Variants in PDE10A observed in about 807,000 individuals in gnomAD.
The protein encoded by PDE10A is phosphodiesterase 10A.
PDE10A carries 39 observed loss-of-function variants against 97.7 expected under a neutral mutation model. The ratio of observed to expected loss-of-function variants is 0.40; its 90% CI spans 0.31 to 0.52. PDE10A has a LOEUF of 0.52. PDE10A is among the 20% of genes least tolerant of loss of function. The pLI is 0.56. For synonymous variants in PDE10A, 371 were observed against 376.8 expected, an observed-to-expected ratio of 0.98 and a Z score of 0.18; for missense variants, 731 against 1,047.8, an observed-to-expected ratio of 0.70 and a Z score of 4.17.
At chr6:165,374,819 T>A (rs1319210908) in intron 18 of PDE10A, among the ~76,000 whole-genome samples, 1 of 151,698 alleles carries the variant, frequency 6.6e-6, no homozygotes, top group Non-Finnish European at 1.5e-5. Flanking sequence ...ATCGGCAGCA[T>A]TTTTCCAACA....
intron 2 of PDE10A, among the ~76,000 whole-genome samples, chr6:165,532,388 C>T (rs994794817): frequency 5.9e-5 from 9 of 151,434 alleles, no homozygotes; most frequent in African/African-American, 1.7e-4. Context: ...TATAACGGAG[C>T]TTTGAATCTA....
At chr6:165,627,580 G>A (rs1296194424) in intron 1 of PDE10A, among the ~76,000 whole-genome samples, 2 of 152,170 alleles carry the variant, frequency 1.3e-5, no homozygotes, top group African/African-American at 4.8e-5. Flanking sequence ...CCAAGCTGCC[G>A]TGACTTGGGG....
intron 1 of PDE10A, among the ~76,000 whole-genome samples, chr6:165,590,007 T>TA (rs1487457965): frequency 6.6e-6 from 1 of 152,262 alleles, no homozygotes; most frequent in Non-Finnish European, 1.5e-5. Context: ...TTTCAGTTTT[T>TA]ATCACAAATT....
At chr6:165,788,518 C>CAAAAAAAAAAAAAAAAAAAAAAAAAAAAA (rs56927613) in intron 1 of PDE10A, among the ~76,000 whole-genome samples, 15 of 74,734 alleles carry the variant, frequency 2.0e-4, no homozygotes, top group East Asian at 9.3e-4. Flanking sequence ...AACTCTGTCT[C>CAAAAAAAAAAAAAAAAAAAAAAAAAAAAA]AAAAAAAAAA....
At chr6:165,654,366 C>T (rs1469725399) in intron 1 of PDE10A, among the ~76,000 whole-genome samples, 1 of 152,116 alleles carries the variant, frequency 6.6e-6, no homozygotes, top group African/African-American at 2.4e-5. Flanking sequence ...CCTGCTTCCC[C>T]AGGCCCCGCT....
chr6:165,960,524 A>G (rs1287249710), intron 1 of PDE10A, among the ~76,000 whole-genome samples: 2 of 152,192 alleles, frequency 1.3e-5, no homozygotes, highest in South Asian at 4.1e-4. Flanking sequence ...CTACCCCTAG[A>G]CATGTTGTCA....
At chr6:165,608,672 C>A (rs1374366740) in intron 1 of PDE10A, among the ~76,000 whole-genome samples, 2 of 152,120 alleles carry the variant, frequency 1.3e-5, no homozygotes, top group African/African-American at 4.8e-5. Flanking sequence ...TTCTAGATCC[C>A]TGAGGAATCG....
intron 1 of PDE10A, among the ~76,000 whole-genome samples, chr6:165,691,307 A>C (rs146574171): frequency 1.1e-3 from 163 of 148,678 alleles, no homozygotes; most frequent in African/African-American, 3.6e-3. Context: ...TGACCTCATA[A>C]GTTTATGATA....
At chr6:165,379,407 C>T in intron 17 of PDE10A, 41 bp from the exon 18 acceptor site, 1 of 1,482,652 alleles carries the variant, frequency 6.7e-7, no homozygotes, top group Non-Finnish European at 9.3e-7. Flanking sequence ...ATAACAAGCA[C>T]AAGCTCTAAT....
At chr6:165,664,660 C>T (rs1006863856), upstream of PDE10A, among the ~76,000 whole-genome samples, 4 of 152,208 alleles carry the variant, frequency 2.6e-5, no homozygotes, top group Non-Finnish European at 5.9e-5. Context: ...AGCCTCCCGG[C>T]TTGACGCTTC....
intron 1 of PDE10A, among the ~76,000 whole-genome samples, chr6:165,680,075 T>G (rs1790934548): frequency 1.3e-5 from 2 of 152,150 alleles, no homozygotes; most frequent in South Asian, 4.1e-4. Context: ...GGTACCCATG[T>G]GGGTGCTACT....
intron 17 of PDE10A, among the ~76,000 whole-genome samples, chr6:165,382,976 G>A (rs1785031316): frequency 6.6e-6 from 1 of 152,132 alleles, no homozygotes; most frequent in Non-Finnish European, 1.5e-5. Context: ...TGCTATAATT[G>A]TAATATACAA....
intron 1 of PDE10A, among the ~76,000 whole-genome samples, chr6:165,967,753 T>TG (rs1464440425): frequency 2.0e-5 from 3 of 152,222 alleles, no homozygotes; most frequent in Non-Finnish European, 4.4e-5. Context: ...GATAGCCCTG[T>TG]GATTGCTCTA....
chr6:165,750,722 T>G (rs1408410276), intron 1 of PDE10A, among the ~76,000 whole-genome samples: 1 of 152,056 alleles, frequency 6.6e-6, no homozygotes, highest in East Asian at 1.9e-4. Flanking sequence ...TTGTCTCTGT[T>G]TCTGTTGGCC....
chr6:165,518,802 C>T (rs569647), intron 2 of PDE10A, among the ~76,000 whole-genome samples: 97,551 of 152,126 alleles, frequency 0.64, 34,103 homozygotes, highest in South Asian at 0.77. Flanking sequence ...CCTCAAACTA[C>T]ACAAGTTACA....
intron 2 of PDE10A, among the ~76,000 whole-genome samples, chr6:165,525,713 C>A (rs1303036777): frequency 1.3e-5 from 2 of 152,110 alleles, no homozygotes; most frequent in Non-Finnish European, 2.9e-5. Flanking sequence ...AACTGGATCC[C>A]AAGGTGGCAG....
intron 1 of PDE10A, among the ~76,000 whole-genome samples, chr6:165,758,533 G>GAAGAGGAAGAGGAAGAGGAAGAA: frequency 1.2e-5 from 1 of 81,466 alleles, no homozygotes; most frequent in African/African-American, 3.1e-5. Context: ...AAGAAGAAGA[G>GAAGAGGAAGAGGAAGAGGAAGAA]GAAGAGGAAG....
At chr6:165,502,493 A>C (rs1329584954) in intron 2 of PDE10A, among the ~76,000 whole-genome samples, 1 of 152,208 alleles carries the variant, frequency 6.6e-6, no homozygotes, top group African/African-American at 2.4e-5. Context: ...GAAATGAAAA[A>C]CTCATTAAAA....
At chr6:165,504,161 G>C (rs1781058887) in intron 2 of PDE10A, among the ~76,000 whole-genome samples, 1 of 152,124 alleles carries the variant, frequency 6.6e-6, no homozygotes, top group African/African-American at 2.4e-5. Flanking sequence ...AGGTAAAACA[G>C]TTGTAGCCTA....
Sources: gnomAD v4.1 joint callset for allele counts (sites outside exome capture counted in the v4.1 genomes callset) on GRCh38, gnomAD v4.1.1 for gene constraint, MANE v1.5 for transcripts, NCBI Gene and HGNC (gene_info 2026-07-23, HGNC 2026-07-21) for gene names.